The following PHACTR1 variants were observed in gnomAD, a reference collection of about 807,000 sequenced individuals.
PHACTR1 encodes RPEL repeat containing 1.
Under a neutral mutation model 69.2 loss-of-function variants are expected in PHACTR1, and 16 were observed. The observed-to-expected ratio is 0.23, with a 90% CI of 0.16 to 0.35. The LOEUF (loss-of-function observed/expected upper bound fraction) is 0.35. Ranked by LOEUF, PHACTR1 falls within the 10% of genes least tolerant of loss-of-function variation. PHACTR1 has a pLI of 1.00. For missense variants in PHACTR1, 510 were observed against 734.7 expected, an observed-to-expected ratio of 0.69 and a Z score of 3.54; for synonymous variants, 312 against 284.5, an observed-to-expected ratio of 1.10 and a Z score of -0.97.
chr6:13,094,794 T>C (rs1029325731), intron 5 of PHACTR1, among the ~76,000 whole-genome samples: 3 of 152,184 alleles, frequency 2.0e-5, no homozygotes, highest in Non-Finnish European at 4.4e-5. Flanking sequence ...TACACTAATA[T>C]AATACAAAGT....
intron 5 of PHACTR1, among the ~76,000 whole-genome samples, chr6:13,152,059 G>T (rs944135152): frequency 6.6e-6 from 1 of 152,080 alleles, no homozygotes; most frequent in Non-Finnish European, 1.5e-5. Context: ...CAGGCTGGGC[G>T]CAGTGGCTCA....
intron 4 of PHACTR1, among the ~76,000 whole-genome samples, chr6:13,031,001 C>T (rs532896617): frequency 1.3e-5 from 2 of 152,288 alleles, no homozygotes; most frequent in African/African-American, 4.8e-5. Context: ...CAGATGTCCC[C>T]CACCCCACCC....
At chr6:12,942,477 T>G (rs1005692436) in intron 4 of PHACTR1, among the ~76,000 whole-genome samples, 1 of 152,140 alleles carries the variant, frequency 6.6e-6, no homozygotes, top group African/African-American at 2.4e-5. Flanking sequence ...AAACTAAGTC[T>G]TAGGAGTCAA....
At chr6:12,772,778 A>G (rs1482571953) in intron 4 of PHACTR1, among the ~76,000 whole-genome samples, 1 of 152,234 alleles carries the variant, frequency 6.6e-6, no homozygotes, top group Non-Finnish European at 1.5e-5. Flanking sequence ...CATTGCACTT[A>G]AATGGAAAGG....
chr6:12,851,897 TGATTTCA>T (rs1337249871), intron 4 of PHACTR1, among the ~76,000 whole-genome samples: 2 of 152,112 alleles, frequency 1.3e-5, no homozygotes, highest in African/African-American at 4.8e-5. Flanking sequence ...TGCAGTGGTG[TGATTTCA>T]GCTCATTGCA....
At chr6:13,223,626 T>G (rs1769049253) in intron 8 of PHACTR1, among the ~76,000 whole-genome samples, 1 of 152,204 alleles carries the variant, frequency 6.6e-6, no homozygotes, top group Non-Finnish European at 1.5e-5. Context: ...GTATCACAGT[T>G]CAACTTTTGC....
At chr6:12,800,444 G>A (rs1394522365) in intron 4 of PHACTR1, among the ~76,000 whole-genome samples, 7 of 152,074 alleles carry the variant, frequency 4.6e-5, no homozygotes, top group Admixed American at 6.6e-5. Context: ...CCAGTTAAAC[G>A]AATTGATTTT....
chr6:13,041,545 G>T (rs906515688), intron 4 of PHACTR1, among the ~76,000 whole-genome samples: 8 of 152,272 alleles, frequency 5.3e-5, no homozygotes, highest in African/African-American at 1.9e-4. Context: ...TGTCATCAGA[G>T]AGAGAAAATG....
At chr6:13,140,588 G>A (rs1486960405) in intron 5 of PHACTR1, among the ~76,000 whole-genome samples, 1 of 152,204 alleles carries the variant, frequency 6.6e-6, no homozygotes, top group East Asian at 1.9e-4. Flanking sequence ...TCATAGCCAA[G>A]CTCATGGAGA....
chr6:12,918,554 CATT>C (rs1259785577), intron 4 of PHACTR1, among the ~76,000 whole-genome samples: 2 of 152,168 alleles, frequency 1.3e-5, no homozygotes, highest in Non-Finnish European at 2.9e-5. Context: ...CCATCGTTAT[CATT>C]GTTTCATTAG....
intron 4 of PHACTR1, among the ~76,000 whole-genome samples, chr6:12,827,612 A>G (rs980531620): frequency 6.6e-6 from 1 of 152,214 alleles, no homozygotes; most frequent in African/African-American, 2.4e-5. Flanking sequence ...GGCAACATAT[A>G]TCCTCACACA....
intron 4 of PHACTR1, among the ~76,000 whole-genome samples, chr6:13,022,411 T>C (rs1375239107): frequency 6.6e-6 from 1 of 152,206 alleles, no homozygotes; most frequent in Non-Finnish European, 1.5e-5. Flanking sequence ...CCTATGTTTG[T>C]AGGTTGAGAA....
At chr6:13,174,477 T>C (rs749607015) in intron 6 of PHACTR1, among the ~76,000 whole-genome samples, 8 of 152,246 alleles carry the variant, frequency 5.3e-5, no homozygotes, top group Admixed American at 1.3e-4. Context: ...CTTATGATTT[T>C]TGGTCTAAAA....
At chr6:12,900,041 G>T (rs914935631) in intron 4 of PHACTR1, among the ~76,000 whole-genome samples, 4 of 152,146 alleles carry the variant, frequency 2.6e-5, no homozygotes, top group African/African-American at 9.7e-5. Flanking sequence ...AAGCACATTG[G>T]CCAGATTTAG....
chr6:12,985,393 G>T (rs1442165088), intron 4 of PHACTR1, among the ~76,000 whole-genome samples: 1 of 151,904 alleles, frequency 6.6e-6, no homozygotes, highest in African/African-American at 2.4e-5. Context: ...TGGATCTCCT[G>T]TATACCAGTA....
chr6:13,036,073 C>A (rs942030289), intron 4 of PHACTR1, among the ~76,000 whole-genome samples: 4 of 151,774 alleles, frequency 2.6e-5, no homozygotes, highest in Admixed American at 1.3e-4. Context: ...ACAAAGGTGG[C>A]TACTGAGGCT....
At chr6:13,083,475 T>C (rs1295081722) in intron 5 of PHACTR1, among the ~76,000 whole-genome samples, 1 of 151,706 alleles carries the variant, frequency 6.6e-6, no homozygotes, top group African/African-American at 2.4e-5. Flanking sequence ...TTTCCAATTC[T>C]GTGAAGAAAG....
At chr6:13,260,345 CCTA>C (rs1775743519) in intron 10 of PHACTR1, among the ~76,000 whole-genome samples, 1 of 152,044 alleles carries the variant, frequency 6.6e-6, no homozygotes, top group Admixed American at 6.5e-5. Context: ...ACTGGGTTGT[CCTA>C]CTGTGAATAA....
At chr6:12,744,341 A>C (rs948223498) in intron 3 of PHACTR1, among the ~76,000 whole-genome samples, 8 of 152,252 alleles carry the variant, frequency 5.3e-5, no homozygotes, top group Non-Finnish European at 1.0e-4. Flanking sequence ...GTATATTGCC[A>C]TAAGTTAAGA....
Sources: gnomAD v4.1 joint callset for allele counts (sites outside exome capture counted in the v4.1 genomes callset) on GRCh38, gnomAD v4.1.1 for gene constraint, MANE v1.5 for transcripts, NCBI Gene and HGNC (gene_info 2026-07-23, HGNC 2026-07-21) for gene names.